Variants in SCAPER observed in about 807,000 individuals in gnomAD.
SCAPER encodes the protein S phase cyclin A-associated protein in the endoplasmic reticulum.
In SCAPER, 98 loss-of-function variants were observed where a neutral mutation model predicts 182.2. The observed-to-expected ratio is 0.54, with a 90% confidence interval of 0.46 to 0.64. The LOEUF (loss-of-function observed/expected upper bound fraction) is 0.64. Among genes scored for constraint, SCAPER ranks in the 30% least tolerant of loss-of-function variants. SCAPER has a pLI of 0.00. For missense variants in SCAPER, 1,432 were observed against 1,690.0 expected, an observed-to-expected ratio of 0.85 and a Z score of 2.68; for synonymous variants, 605 against 564.6, an observed-to-expected ratio of 1.07 and a Z score of -1.01.
chr15:76,464,887 C>G (rs975733307), intron 25 of SCAPER, among the ~76,000 whole-genome samples: 2 of 152,096 alleles, frequency 1.3e-5, no homozygotes, highest in Non-Finnish European at 2.9e-5. Flanking sequence ...CACACTCCTA[C>G]CAATACTTAT....
chr15:76,697,867 C>T (rs1471507370), intron 20 of SCAPER, among the ~76,000 whole-genome samples: 1 of 151,912 alleles, frequency 6.6e-6, no homozygotes. Context: ...CTCGAACTCC[C>T]GACCTCAGGT....
At position 76,505,485 on chromosome 15, in the gene SCAPER, T is replaced by G. The variant is rs73444277; in HGVS notation, c.2839-511A>C. 4.3e-3 allele frequency among the ~76,000 whole-genome samples: 650 copies of G among 152,248 alleles called. 6 individuals carry two copies. Among genetic ancestry groups the G allele is most frequent in the African/African-American group, 0.015 (619 of 41,552 alleles). ...AAGACATACAGATGGCAAACAGGCA[T>G]AGGAAAAGGTGCCCAACATCACTGA... On this transcript the variant is annotated intron_variant, in intron 23 of 31. Transcript: ENST00000563290.
chr15:76,557,533 T>C (rs2046280029), intron 23 of SCAPER, among the ~76,000 whole-genome samples: 1 of 152,180 alleles, frequency 6.6e-6, no homozygotes, highest in Admixed American at 6.5e-5. Context: ...TGACAGTGAA[T>C]TCTTGTGAGA....
intron 29 of SCAPER, among the ~76,000 whole-genome samples, chr15:76,374,312 C>T (rs62028380): frequency 0.32 from 48,472 of 151,116 alleles, 8,182 homozygotes; most frequent in East Asian, 0.58. Context: ...TCACTTGAAC[C>T]GGGAGGCAGA....
chr15:76,483,887 T>C lies in SCAPER; in HGVS notation c.2955-12552A>G, dbSNP rs537541111. On this transcript the variant is annotated intron_variant, in intron 24 of 31. Coordinates refer to ENST00000563290, the MANE Select transcript of SCAPER (RefSeq NM_020843.4). ...TGGAGGAACAGGAGCTCACATTCAT[T>C]ACTGGTGGGAATGAAAAATAATAAA... 3.9e-5 allele frequency among the ~76,000 whole-genome samples: 6 copies of C among 152,312 alleles called. 1 individual carries two copies. The highest frequency in any genetic ancestry group is 1.4e-4 in the African/African-American group (6 of 41,576).
intron 23 of SCAPER, among the ~76,000 whole-genome samples, chr15:76,557,696 A>C (rs2046292140): frequency 6.6e-6 from 1 of 151,936 alleles, no homozygotes; most frequent in Non-Finnish European, 1.5e-5. Context: ...TTCCAACTAA[A>C]CCTCTTTTCT....
intron 27 of SCAPER, among the ~76,000 whole-genome samples, chr15:76,403,070 T>C (rs1397809974): frequency 6.6e-6 from 1 of 152,186 alleles, no homozygotes; most frequent in Non-Finnish European, 1.5e-5. Flanking sequence ...GGCAGGTTTG[T>C]AATGTAATGA....
intron 21 of SCAPER, among the ~76,000 whole-genome samples, chr15:76,640,268 G>A (rs2053994610): frequency 1.3e-5 from 2 of 152,292 alleles, no homozygotes; most frequent in Middle Eastern, 3.4e-3. Flanking sequence ...CTGTTATATG[G>A]ATGGGAGATA....
At chr15:76,638,105 C>T (rs2053795632) in intron 21 of SCAPER, among the ~76,000 whole-genome samples, 1 of 151,886 alleles carries the variant, frequency 6.6e-6, no homozygotes, top group South Asian at 2.1e-4. Flanking sequence ...TGTCTTTTTG[C>T]TTTCTTGATG....
At chr15:76,665,268 T>C (rs186815795) in intron 21 of SCAPER, among the ~76,000 whole-genome samples, 12 of 152,312 alleles carry the variant, frequency 7.9e-5, no homozygotes, top group Non-Finnish European at 1.3e-4. Context: ...TCATGGGATT[T>C]GACACTACAG....
intron 22 of SCAPER, among the ~76,000 whole-genome samples, chr15:76,615,690 C>G (rs1488522557): frequency 6.6e-6 from 1 of 151,016 alleles, no homozygotes; most frequent in Non-Finnish European, 1.5e-5. Context: ...CACGGTGGCA[C>G]ACACCTGTAA....
At chr15:76,514,207 CTGATT>C (rs1567320400) in intron 23 of SCAPER, among the ~76,000 whole-genome samples, 2 of 152,270 alleles carry the variant, frequency 1.3e-5, no homozygotes, top group South Asian at 4.2e-4. Flanking sequence ...CTTGGTAATT[CTGATT>C]TGATTGAGAA....
At chr15:76,707,631 CAA>C (rs1405777744) in intron 17 of SCAPER, among the ~76,000 whole-genome samples, 2 of 152,080 alleles carry the variant, frequency 1.3e-5, no homozygotes, top group African/African-American at 4.8e-5. Flanking sequence ...CAAAACTAAA[CAA>C]GAAATACACA....
intron 21 of SCAPER, among the ~76,000 whole-genome samples, chr15:76,634,384 T>C (rs1216038460): frequency 1.3e-5 from 2 of 152,174 alleles, no homozygotes; most frequent in Non-Finnish European, 2.9e-5. Context: ...TTCATCCTTC[T>C]TGGTGGGAGC....
At chr15:76,444,183 C>T (rs1047640711) in intron 25 of SCAPER, among the ~76,000 whole-genome samples, 2 of 152,172 alleles carry the variant, frequency 1.3e-5, no homozygotes, top group African/African-American at 4.8e-5. Flanking sequence ...TGGGCATCCA[C>T]CTTTCAGTCC....
chr15:76,667,183 C>T (rs1229975128), intron 20 of SCAPER, among the ~76,000 whole-genome samples: 4 of 152,146 alleles, frequency 2.6e-5, no homozygotes, highest in African/African-American at 9.7e-5. Flanking sequence ...TTGTCAAGGT[C>T]AGTAACGCCA....
chr15:76,479,964 T>C (rs1309154488), intron 24 of SCAPER, among the ~76,000 whole-genome samples: 1 of 152,244 alleles, frequency 6.6e-6, no homozygotes. Context: ...TAAATATGGC[T>C]GCAAAGAGAA....
At chr15:76,583,075 A>C (rs1321531284) in intron 22 of SCAPER, among the ~76,000 whole-genome samples, 1 of 152,120 alleles carries the variant, frequency 6.6e-6, no homozygotes, top group African/African-American at 2.4e-5. Flanking sequence ...AGTGTAGGCC[A>C]GGTGCAGTGA....
chr15:76,576,053 T>G (rs1264849080), intron 22 of SCAPER, among the ~76,000 whole-genome samples: 1 of 152,202 alleles, frequency 6.6e-6, no homozygotes, highest in Non-Finnish European at 1.5e-5. Context: ...GAAAACTTCT[T>G]CTTTACATTA....
Sources: gnomAD v4.1 joint callset for allele counts (sites outside exome capture counted in the v4.1 genomes callset) on GRCh38, gnomAD v4.1.1 for gene constraint, MANE v1.5 for transcripts, NCBI Gene and HGNC (gene_info 2026-07-23, HGNC 2026-07-21) for gene names.